Variants in AVEN observed in about 807,000 individuals in gnomAD.
AVEN encodes the protein cell death regulator Aven.
Under a neutral mutation model 38.1 loss-of-function variants are expected in AVEN, and 41 were observed. The observed-to-expected ratio is 1.08, with a 90% confidence interval of 0.84 to 1.40. The LOEUF is 1.40. Among genes scored for constraint, AVEN ranks in the 40% most tolerant of loss-of-function variants. AVEN has a pLI of 0.00. For missense variants in AVEN, 605 were observed against 438.8 expected (o/e 1.38, Z -3.38); for synonymous variants, 206 against 171.8 (o/e 1.20, Z -1.56).
chr15:33,866,958 G>T lies in AVEN; in HGVS notation c.974-230C>A, dbSNP rs981651129. On this transcript the variant is annotated intron_variant, in intron 5 of 5. Coordinates refer to ENST00000306730, the MANE Select transcript of AVEN (RefSeq NM_020371.3). ...TTGGTTTTTTTTTCAAAGACCAACA[G>T]CTCAGTTTCCTTTTTACTATTATTA... Among the ~76,000 whole-genome samples the T allele has an allele frequency of 7.2e-5, 11 of 151,840 alleles. No individual in the cohort carries two copies. In the East Asian group the frequency reaches 2.1e-3, roughly 29 times the overall value.
At chr15:33,879,014 T>A (rs949787615) in intron 2 of AVEN, among the ~76,000 whole-genome samples, 1 of 152,160 alleles carries the variant, frequency 6.6e-6, no homozygotes, top group Non-Finnish European at 1.5e-5. Context: ...AAAAAAGGCA[T>A]GCTATATATA....
At chr15:33,927,548 T>C (rs1251420100) in intron 2 of AVEN, among the ~76,000 whole-genome samples, 1 of 152,104 alleles carries the variant, frequency 6.6e-6, no homozygotes, top group African/African-American at 2.4e-5. Context: ...ACAGACTGAT[T>C]GGAGGTAATT....
At chr15:33,861,739 A>ATGTCTGTCTTTTCTC (rs1171910996), downstream of AVEN, among the ~76,000 whole-genome samples, 2 of 152,194 alleles carry the variant, frequency 1.3e-5, no homozygotes, top group Middle Eastern at 6.8e-3. Context: ...AGGCCTCATC[A>ATGTCTGTCTTTTCTC]TGTCTGTCTT....
chr15:33,967,221 T>C (rs1232152018), intron 2 of AVEN, among the ~76,000 whole-genome samples: 1 of 152,138 alleles, frequency 6.6e-6, no homozygotes, highest in Non-Finnish European at 1.5e-5. Context: ...TTCTCATACA[T>C]GTTCATCTGT....
chr15:33,893,951 ATT>A (rs11463061), intron 2 of AVEN, among the ~76,000 whole-genome samples: 2 of 142,332 alleles, frequency 1.4e-5, no homozygotes, highest in African/African-American at 5.2e-5. Flanking sequence ...TGATGCCAAG[ATT>A]TTTTTTTTTT....
At chr15:33,930,578 C>T (rs1190438608) in intron 2 of AVEN, among the ~76,000 whole-genome samples, 3 of 152,332 alleles carry the variant, frequency 2.0e-5, no homozygotes, top group Non-Finnish European at 4.4e-5. Context: ...CTTACGAAAT[C>T]TAAAATGCTA....
At chr15:33,958,602 A>AG in intron 2 of AVEN, among the ~76,000 whole-genome samples, 1 of 150,134 alleles carries the variant, frequency 6.7e-6, no homozygotes, top group Admixed American at 6.6e-5. Context: ...AGAAAAAAAA[A>AG]AAAAGGAAAA....
chr15:33,854,783 C>T (rs1395244417), downstream of AVEN: 2 of 1,609,704 alleles, frequency 1.2e-6, no homozygotes, highest in Admixed American at 1.7e-5. Context: ...TCTACCTTGC[C>T]TGGTATACAA....
intron 2 of AVEN, among the ~76,000 whole-genome samples, chr15:33,900,828 C>T (rs1050901587): frequency 1.3e-5 from 2 of 151,734 alleles, no homozygotes; most frequent in Non-Finnish European, 2.9e-5. Flanking sequence ...TAACTGCCAA[C>T]GAACAGTTTT....
intron 2 of AVEN, among the ~76,000 whole-genome samples, chr15:33,893,682 C>G (rs749183087): frequency 5.9e-5 from 9 of 152,222 alleles, no homozygotes; most frequent in Non-Finnish European, 1.2e-4. Context: ...GGCATCACCA[C>G]TACTAGCAAA....
chr15:34,058,397 CA>C (rs1900229179), intron 5 of AVEN, among the ~76,000 whole-genome samples: 1 of 152,026 alleles, frequency 6.6e-6, no homozygotes, highest in Non-Finnish European at 1.5e-5. Flanking sequence ...GAATAAAAAT[CA>C]AAATGGAGCC....
At chr15:33,956,098 G>A (rs567756824) in intron 2 of AVEN, among the ~76,000 whole-genome samples, 18 of 152,286 alleles carry the variant, frequency 1.2e-4, no homozygotes, top group African/African-American at 9.6e-5. Context: ...CTGTAGGGCC[G>A]TCTGCCTCCG....
At chr15:34,040,114 C>T (rs1899403902), upstream of AVEN, among the ~76,000 whole-genome samples, 1 of 152,062 alleles carries the variant, frequency 6.6e-6, no homozygotes, top group African/African-American at 2.4e-5. Flanking sequence ...TTCATTGCTT[C>T]TAATTGCCTA....
Position 33,920,513 on chromosome 15 carries a change from A to T in AVEN, c.446-44518T>A, listed in dbSNP as rs185259346. ...CGGTATTCCTTTTGATAGCAGTCTC[A>T]TTCCTAAATCTGACTTATATCTTAA... On this transcript the variant is annotated intron_variant, in intron 2 of 5. Transcript: ENST00000306730. Among the ~76,000 whole-genome samples, 309 of 152,322 alleles carry T rather than the reference A, an allele frequency of 2.0e-3. 4 individuals are homozygous for T. The highest frequency in any genetic ancestry group is 7.1e-3 in the African/African-American group (296 of 41,578).
At chr15:33,905,450 T>C (rs1161886196) in intron 2 of AVEN, among the ~76,000 whole-genome samples, 2 of 152,206 alleles carry the variant, frequency 1.3e-5, no homozygotes, top group Non-Finnish European at 2.9e-5. Context: ...CAATAAACTT[T>C]GAAAGTCCAG....
At chr15:33,869,233 C>G (rs115553047) in intron 4 of AVEN, among the ~76,000 whole-genome samples, 1,585 of 152,204 alleles carry the variant, frequency 0.01, 35 homozygotes, top group African/African-American at 0.035. Context: ...GTTTTTAACT[C>G]CCCAGGTGAT....
chr15:34,023,918 G>C (rs889069402), intron 1 of AVEN, among the ~76,000 whole-genome samples: 8 of 152,128 alleles, frequency 5.3e-5, no homozygotes, highest in Non-Finnish European at 1.0e-4. Flanking sequence ...TGGCAAAATA[G>C]AGGACTCTAT....
intron 2 of AVEN, among the ~76,000 whole-genome samples, chr15:33,930,396 T>C (rs1308187515): frequency 6.6e-6 from 1 of 152,128 alleles, no homozygotes. Context: ...CTACTAATTT[T>C]AGGTTCAGTT....
intron 4 of AVEN, among the ~76,000 whole-genome samples, chr15:33,869,243 T>C (rs1045351515): frequency 6.6e-5 from 10 of 152,202 alleles, no homozygotes; most frequent in African/African-American, 2.4e-4. Flanking sequence ...CCCCAGGTGA[T>C]TCTAATGTGC....
Sources: allele counts gnomAD v4.1 joint callset (sites outside exome capture counted in the v4.1 genomes callset), GRCh38; gene constraint gnomAD v4.1.1; transcripts MANE v1.5; gene names NCBI Gene and HGNC (gene_info 2026-07-23, HGNC 2026-07-21).